The following TMTC1 variants were observed in gnomAD, a reference collection of about 807,000 sequenced individuals.
TMTC1 encodes transmembrane O-mannosyltransferase targeting cadherins 1.
Under a neutral mutation model 104.8 loss-of-function variants are expected in TMTC1, and 73 were observed. That is an observed-to-expected ratio of 0.70 (90% CI 0.58 to 0.85). The LOEUF is 0.85. TMTC1 is among the 40% of genes least tolerant of loss of function. TMTC1 has a pLI of 0.00. For missense variants in TMTC1, 1,035 were observed against 1,096.1 expected, an observed-to-expected ratio of 0.94 and a Z score of 0.79; for synonymous variants, 434 against 428.7, an observed-to-expected ratio of 1.01 and a Z score of -0.15.
chr12:29,670,803 T>C (rs1156890660), intron 5 of TMTC1, among the ~76,000 whole-genome samples: 3 of 151,122 alleles, frequency 2.0e-5, no homozygotes, highest in Non-Finnish European at 4.4e-5. Context: ...TGGTGGCACA[T>C]GCCTGTAGTC....
chr12:29,606,659 A>G (rs1411070543), intron 6 of TMTC1, among the ~76,000 whole-genome samples: 1 of 152,188 alleles, frequency 6.6e-6, no homozygotes, highest in Non-Finnish European at 1.5e-5. Context: ...AAGAATTAAG[A>G]GTGCAGGTAT....
chr12:29,777,495 T>C (rs564315821), intron 1 of TMTC1, among the ~76,000 whole-genome samples: 34 of 152,292 alleles, frequency 2.2e-4, no homozygotes, highest in African/African-American at 7.7e-4. Flanking sequence ...TTGGTAATAA[T>C]AGACTGCTTC....
intron 3 of TMTC1, 29 bp from the exon 4 acceptor site, chr12:29,755,914 T>C (rs778680313): frequency 6.2e-7 from 1 of 1,606,894 alleles, no homozygotes; most frequent in East Asian, 2.2e-5. Context: ...ATTCTTTTAA[T>C]CTAAGAAAGA....
intron 1 of TMTC1, among the ~76,000 whole-genome samples, chr12:29,781,392 T>C (rs1277990652): frequency 6.6e-6 from 1 of 152,226 alleles, no homozygotes; most frequent in Non-Finnish European, 1.5e-5. Context: ...CTCAGCTCTC[T>C]TCCTCCTGAA....
At chr12:29,674,587 G>C (rs772433700) in intron 5 of TMTC1, among the ~76,000 whole-genome samples, 2 of 152,178 alleles carry the variant, frequency 1.3e-5, no homozygotes, top group Non-Finnish European at 2.9e-5. Flanking sequence ...CACTCTTCTT[G>C]CTGACGGGAC....
intron 8 of TMTC1, among the ~76,000 whole-genome samples, chr12:29,577,219 C>T (rs926871068): frequency 2.0e-5 from 3 of 152,118 alleles, no homozygotes; most frequent in African/African-American, 7.2e-5. Flanking sequence ...TTGCTAAAAA[C>T]AGAGATCAGC....
chr12:29,601,681 G>A (rs1457734071), intron 7 of TMTC1, among the ~76,000 whole-genome samples: 1 of 152,140 alleles, frequency 6.6e-6, no homozygotes, highest in Non-Finnish European at 1.5e-5. Flanking sequence ...ACCGCTTGGG[G>A]CAAGTTAACC....
intron 5 of TMTC1, among the ~76,000 whole-genome samples, chr12:29,710,117 T>G (rs1941859864): frequency 6.6e-6 from 1 of 151,872 alleles, no homozygotes; most frequent in South Asian, 2.1e-4. Flanking sequence ...GTACGTAGAG[T>G]CTATTTCTGT....
Position 29,520,715 on chromosome 12 carries a change from C to T in TMTC1, c.1791G>A (p.Arg597=). The T allele has an allele frequency of 4.4e-6, 7 of 1,608,828 alleles. No homozygotes were observed. The highest frequency in any genetic ancestry group is 1.1e-5 in the South Asian group (1 of 89,926). Residue 597 remains arginine, a synonymous_variant, in exon 12 of 18, where the codon CGG becomes CGA. Coordinates refer to ENST00000539277, the MANE Select transcript of TMTC1 (RefSeq NM_001193451.2). ...SLASLLAEQE[R]FKEAEEIYQT... is the part of the protein sequence containing the mutation. ...GGTATATTTCTTCAGCTTCTTTAAA[C>T]CGCTCCTTTAAAAAGAAAGAAACAA...
chr12:29,783,731 G>C lies in TMTC1; in HGVS notation c.21C>G (p.Ala7=). MVVTTS[A]RGGGGDRTPS... is the part of the protein sequence containing the mutation. ...GTGTGCGGTCCCCGCCGCCGCCTCG[G>C]GCAGAGGTGGTCACCACCATCGCGC... The change falls in exon 1 of 18, where the codon GCC becomes GCG. Residue 7 remains alanine (A), a synonymous_variant. Transcript: ENST00000539277. This position sits in a 1 kb window ranked among gnomAD's most constrained non-coding sequence, Gnocchi z 4.7. 1 of 1,201,656 alleles carries C rather than the reference G, an allele frequency of 8.3e-7. No homozygotes were observed. Among genetic ancestry groups the C allele is most frequent in the East Asian group, 3.8e-5 (1 of 26,370 alleles). The allele number at this position is 1,201,656 out of a possible 1,614,324, so 74.4% of individuals were successfully genotyped here. A position where few individuals can be genotyped will look rare whatever the true frequency, so the allele number is the denominator to read the frequency against.
intron 9 of TMTC1, among the ~76,000 whole-genome samples, chr12:29,562,249 G>A (rs779649751): frequency 4.6e-5 from 7 of 152,118 alleles, no homozygotes; most frequent in Non-Finnish European, 7.3e-5. Flanking sequence ...AGATAGCCTC[G>A]GGAAAAAGCC....
At chr12:29,669,280 CAG>C in intron 5 of TMTC1, among the ~76,000 whole-genome samples, 1 of 152,228 alleles carries the variant, frequency 6.6e-6, no homozygotes, top group East Asian at 1.9e-4. Flanking sequence ...CAGTGGTGAA[CAG>C]AGAGACTAAA....
chr12:29,783,671 G>C lies in TMTC1; in HGVS notation c.81C>G (p.Ala27=), dbSNP rs1433017392. The change falls in exon 1 of 18, where the codon GCC becomes GCG. Residue 27 remains alanine, a synonymous_variant. Coordinates refer to ENST00000539277, the MANE Select transcript of TMTC1 (RefSeq NM_001193451.2). This position sits in a 1 kb window ranked among gnomAD's most constrained non-coding sequence, Gnocchi z 4.7. ...SRRRGCGLAP[A]GAAALLAGAS... ...CCCCGGCCAGCAGCGCCGCGGCCCC[G>C]GCCGGCGCTAGCCCGCAGCCCCGCC... 7.6e-7 allele frequency: 1 copy of C among 1,311,936 alleles called. No homozygotes were observed. Among genetic ancestry groups the C allele is most frequent in the Non-Finnish European group, 9.6e-7 (1 of 1,038,356 alleles). 81.3% of individuals were successfully genotyped at this position (1,311,936 alleles called of 1,614,324 possible).
chr12:29,767,704 T>TTTA (rs1209155303), intron 2 of TMTC1, among the ~76,000 whole-genome samples, 194 bp downstream of exon 2: 1 of 125,784 alleles, frequency 8.0e-6, no homozygotes, highest in African/African-American at 2.7e-5. Flanking sequence ...ACATAAACAC[T>TTTA]TTAATAGAGT....
intron 9 of TMTC1, among the ~76,000 whole-genome samples, chr12:29,559,315 G>A (rs1413671027): frequency 6.6e-6 from 1 of 152,190 alleles, no homozygotes; most frequent in Non-Finnish European, 1.5e-5. Flanking sequence ...TCTGTAAGCA[G>A]CCGGTCATCT....
chr12:29,752,692 C>T (rs1400921173), intron 4 of TMTC1, among the ~76,000 whole-genome samples: 1 of 151,296 alleles, frequency 6.6e-6, no homozygotes, highest in African/African-American at 2.4e-5. Flanking sequence ...CATATATCAA[C>T]ACTGATATAT....
intron 11 of TMTC1, 171 bp from the exon 12 acceptor site, chr12:29,520,891 T>C (rs1256668314): frequency 3.4e-6 from 2 of 588,610 alleles, no homozygotes; most frequent in Non-Finnish European, 6.0e-6. Flanking sequence ...AAAGGCAATA[T>C]TAACTGTGTA....
At chr12:29,755,580 C>T (rs1821890) in intron 4 of TMTC1, 129 bp downstream of exon 4, 162 of 731,280 alleles carry the variant, frequency 2.2e-4, no homozygotes, top group Non-Finnish European at 2.9e-4. Context: ...TTGTTGATTA[C>T]GTGACAGTCT....
chr12:29,559,582 G>A (rs1157445453), intron 9 of TMTC1, among the ~76,000 whole-genome samples: 2 of 152,180 alleles, frequency 1.3e-5, no homozygotes, highest in East Asian at 1.9e-4. Context: ...TGTGCTCTAA[G>A]AACCAACTTG....
Sources: allele counts gnomAD v4.1 joint callset (sites outside exome capture counted in the v4.1 genomes callset), GRCh38; gene constraint gnomAD v4.1.1; non-coding constraint Gnocchi (gnomAD v3.1); transcripts MANE v1.5; gene names NCBI Gene and HGNC (gene_info 2026-07-23, HGNC 2026-07-21).